The following ALDH5A1 variants were observed in gnomAD, a reference collection of about 807,000 sequenced individuals.
ALDH5A1 encodes aldehyde dehydrogenase 5 family member A1, also known as succinate-semialdehyde dehydrogenase, mitochondrial.
Under a neutral mutation model 54.7 loss-of-function variants are expected in ALDH5A1, and 33 were observed. The ratio of observed to expected loss-of-function variants is 0.60; its 90% CI spans 0.46 to 0.81. ALDH5A1 has a LOEUF of 0.81. ALDH5A1 is among the 30% of genes least tolerant of loss of function. The pLI is 0.00. For missense variants in ALDH5A1, 657 were observed against 711.0 expected (o/e 0.92, Z 0.86); for synonymous variants, 294 against 292.7 (o/e 1.00, Z -0.05).
chr6:24,526,861 ATATATATATATCTTC>A (rs1192113499), intron 7 of ALDH5A1, among the ~76,000 whole-genome samples: 1 of 126,464 alleles, frequency 7.9e-6, no homozygotes, highest in African/African-American at 3.8e-5. Context: ...TATATATTCT[ATATATATATATCTTC>A]TATATATATA....
chr6:24,511,175 T>TTCTGCTGAGAAA (rs1312618453), intron 4 of ALDH5A1, among the ~76,000 whole-genome samples: 1 of 152,202 alleles, frequency 6.6e-6, no homozygotes, highest in African/African-American at 2.4e-5. Context: ...TTTGTAGGGT[T>TTCTGCTGAGAAA]TCTGCTGAGA....
chr6:24,495,225 C>T lies in ALDH5A1; in HGVS notation c.229C>T (p.Pro77Ser). 6.6e-7 allele frequency: 1 copy of T among 1,514,406 alleles called. No individual in the cohort carries two copies. The highest frequency in any genetic ancestry group is 2.6e-5 in the East Asian group (1 of 38,266). 93.8% of individuals were successfully genotyped at this position (1,514,406 alleles called of 1,614,324 possible). Residue 77 changes from proline to serine, a missense_variant, in exon 1 of 10, where the codon CCC (proline) becomes TCC (serine). Pro to Ser is a moderately conservative substitution (Grantham distance 74). Coordinates refer to ENST00000357578, the MANE Select transcript of ALDH5A1 (RefSeq NM_001080.3). Reference protein sequence around the residue: ...GRWLPAAATFPVQDPASGAAL... With the variant: ...GRWLPAAATFSVQDPASGAAL... ...CTGGCTCCCGGCCGCCGCCACCTTC[C>T]CCGTGCAAGACCCGGCCAGCGGCGC...
At chr6:24,519,567 T>C (rs1759635285) in intron 5 of ALDH5A1, among the ~76,000 whole-genome samples, 1 of 151,782 alleles carries the variant, frequency 6.6e-6, no homozygotes, top group African/African-American at 2.4e-5. Context: ...TCCATCTCAA[T>C]AATAATAATA....
At position 24,522,773 on chromosome 6, in the gene ALDH5A1, G is replaced by A; in HGVS notation, c.1021G>A (p.Val341Ile). 1 of 1,613,864 alleles carries A rather than the reference G, an allele frequency of 6.2e-7. No individual in the cohort carries two copies. The highest frequency in any genetic ancestry group is 8.5e-7 in the Non-Finnish European group (1 of 1,179,914). The change falls in exon 7 of 10, where the codon GTT becomes ATT. Residue 341 changes from valine (V) to isoleucine (I), a missense_variant. This residue lies in a region of ALDH5A1 where 425 missense variants were observed against 516.4 expected (regional missense o/e 0.82). Coordinates refer to ENST00000357578, the MANE Select transcript of ALDH5A1 (RefSeq NM_001080.3). ...GTTTTTGTCTCCTGTCCAGACTTGTGTTTGCTCAAACCAATTCTTGGTGCA... is the reference window on the plus strand; with the variant it reads ...GTTTTTGTCTCCTGTCCAGACTTGTATTTGCTCAAACCAATTCTTGGTGCA... ...SKFRNTGQTCVCSNQFLVQRG... is the reference protein window; with the variant it reads ...SKFRNTGQTCICSNQFLVQRG...
chr6:24,519,233 A>G (rs1266593702), intron 5 of ALDH5A1, among the ~76,000 whole-genome samples: 1 of 152,126 alleles, frequency 6.6e-6, no homozygotes, highest in Admixed American at 6.5e-5. Flanking sequence ...AATAAATTAC[A>G]GAAGAGCCAT....
At position 24,509,664 on chromosome 6, in the gene ALDH5A1, A is replaced by G. The variant is rs1759426758; in HGVS notation, c.726+4679A>G. ...TTTGTACTTCTGTGGTGTCAGTTGT[A>G]ATATCTCCCATTTCATTTCTAATTG... On this transcript the variant is annotated intron_variant, in intron 4 of 9. Transcript: ENST00000357578. The surrounding 1 kb of genome is among the most constrained non-coding windows in gnomAD (Gnocchi z 4.7). 6.6e-6 allele frequency among the ~76,000 whole-genome samples: 1 copy of G among 152,096 alleles called. No individual in the cohort carries two copies. Among genetic ancestry groups the G allele is most frequent in the African/African-American group, 2.4e-5 (1 of 41,406 alleles).
chr6:24,528,140 T>A lies in ALDH5A1; in HGVS notation c.1317T>A (p.Thr439=). Reference sequence around the variant, plus strand: ...ACATGCTGTGCACTCATGAAGAGACTTTCGGGCCTCTGGCACCAGTTATCA... The same window carrying A: ...ACATGCTGTGCACTCATGAAGAGACATTCGGGCCTCTGGCACCAGTTATCA... ...TQDMLCTHEE[T]FGPLAPVIKF... is the part of the protein sequence containing the mutation. Residue 439 remains threonine (T), a synonymous_variant, in exon 8 of 10, where the codon ACT becomes ACA. Transcript: ENST00000357578. 1 of 1,613,936 alleles carries A rather than the reference T, an allele frequency of 6.2e-7. No homozygotes were observed. Among genetic ancestry groups the A allele is most frequent in the Non-Finnish European group, 8.5e-7 (1 of 1,179,894 alleles).
In ALDH5A1 at chr6:24,533,710, T is replaced by C. The variant is rs201484501; in HGVS notation, c.1606T>C (p.Ter536GlnextTer6). The C allele has an allele frequency of 7.9e-5, 127 of 1,613,876 alleles. No homozygotes were observed. The highest frequency in any genetic ancestry group is 1.7e-4 in the Middle Eastern group (1 of 6,032). ...ELKYVCYGGL[*>Q] ...CAAGTATGTGTGTTACGGGGGCTTG[T>C]AGGATTCTTTGGTTCTTTAAAAAAA... The change falls in exon 10 of 10, where the codon TAG (stop) becomes CAG (glutamine). Residue 536 changes from the stop codon to glutamine, a stop_lost. Transcript: ENST00000357578.
At chr6:24,508,570 C>G (rs1487293234) in intron 4 of ALDH5A1, among the ~76,000 whole-genome samples, 1 of 152,000 alleles carries the variant, frequency 6.6e-6, no homozygotes, top group Non-Finnish European at 1.5e-5. Context: ...AATTGTGCTG[C>G]TATAAACGTG....
intron 8 of ALDH5A1, among the ~76,000 whole-genome samples, chr6:24,529,642 T>G (rs1759889407): frequency 6.6e-6 from 1 of 151,224 alleles, no homozygotes; most frequent in Admixed American, 6.6e-5. Flanking sequence ...CCTAATATCT[T>G]TAATACGGTT....
chr6:24,516,159 G>A (rs915937699), intron 5 of ALDH5A1, among the ~76,000 whole-genome samples: 10 of 151,934 alleles, frequency 6.6e-5, no homozygotes, highest in Non-Finnish European at 1.0e-4. Context: ...AAAGAGGGCC[G>A]GGCGCGGTGG....
chr6:24,532,271 C>T, intron 9 of ALDH5A1, 94 bp downstream of exon 9: 1 of 1,265,820 alleles, frequency 7.9e-7, no homozygotes. Flanking sequence ...GGTTTTGAGA[C>T]AGAAACTTCA....
Position 24,535,003 on chromosome 6 carries a change from C to A in ALDH5A1, c.*1291C>A, listed in dbSNP as rs1025645433. The A allele has an allele frequency of 6.6e-6, 1 of 152,212 alleles. No homozygotes were observed. Among genetic ancestry groups the A allele is most frequent in the Admixed American group, 6.5e-5 (1 of 15,272 alleles). The allele number at this position is 152,212 out of a possible 1,614,324, so 9.4% of individuals were successfully genotyped here. On this transcript the variant is annotated 3_prime_UTR_variant, in exon 10 of 10. Transcript: ENST00000357578. ...CACAAAAAACAAAAGCCGCTATGAC[C>A]GGCGTTGCCTCTCACTTTGAAAGAA...
chr6:24,528,494 C>T (rs1759865083), intron 8 of ALDH5A1, among the ~76,000 whole-genome samples: 1 of 152,002 alleles, frequency 6.6e-6, no homozygotes, highest in Non-Finnish European at 1.5e-5. Flanking sequence ...TCCAGAGTAG[C>T]TAGGACTACA....
chr6:24,532,674 T>G (rs917863135), intron 9 of ALDH5A1, among the ~76,000 whole-genome samples: 1 of 152,100 alleles, frequency 6.6e-6, no homozygotes, highest in African/African-American at 2.4e-5. Context: ...GCATGTACTC[T>G]ATAACCCTGA....
Position 24,506,243 on chromosome 6 carries a change from C to CTTTTTT in ALDH5A1, c.726+1283_726+1288dup, listed in dbSNP as rs70974913. Among the ~76,000 whole-genome samples, 17 of 52,162 alleles carry CTTTTTT rather than the reference C, an allele frequency of 3.3e-4. 4 individuals carry two copies. The highest frequency in any genetic ancestry group is 4.1e-4 in the Non-Finnish European group (12 of 29,132). 34.2% of individuals were successfully genotyped at this position (52,162 alleles called of 152,430 possible). A position where few individuals can be genotyped will look rare whatever the true frequency, so the allele number is the denominator to read the frequency against. On this transcript the variant is annotated intron_variant, in intron 4 of 9. Transcript: ENST00000357578. ...TCTGCACCTCCTTCTTTCCTGGTTC[C>CTTTTTT]TTTTTTTTTTTTTTTTTTTTTTTTT...
At chr6:24,507,028 C>T (rs533935710) in intron 4 of ALDH5A1, among the ~76,000 whole-genome samples, 1 of 152,310 alleles carries the variant, frequency 6.6e-6, no homozygotes, top group African/African-American at 2.4e-5. Flanking sequence ...TGGCTATGAA[C>T]ATTTGTCTGT....
chr6:24,504,796 C>A, intron 3 of ALDH5A1, 73 bp from the exon 4 acceptor site: 1 of 1,431,846 alleles, frequency 7.0e-7, no homozygotes, highest in Non-Finnish European at 9.9e-7. Context: ...TCACTGACTT[C>A]CCAACATGCC....
intron 8 of ALDH5A1, among the ~76,000 whole-genome samples, chr6:24,531,522 G>A (rs967269512): frequency 4.6e-5 from 7 of 152,160 alleles, no homozygotes; most frequent in African/African-American, 1.7e-4. Flanking sequence ...AGAAATTGGG[G>A]TGCTTAGAAC....
Sources: gnomAD v4.1 joint callset for allele counts (sites outside exome capture counted in the v4.1 genomes callset) on GRCh38, gnomAD v4.1.1 for gene constraint, gnomAD v4.1.1 regional missense constraint, Gnocchi (gnomAD v3.1) non-coding constraint, MANE v1.5 for transcripts, NCBI Gene and HGNC (gene_info 2026-07-23, HGNC 2026-07-21) for gene names.